NEMP2: variants seen among roughly 807,000 people sequenced by gnomAD.
NEMP2 encodes nuclear envelope integral membrane protein 2.
A neutral mutation model predicts 54.2 loss-of-function variants in NEMP2; 53 were observed. The ratio of observed to expected loss-of-function variants is 0.98; its 90% CI spans 0.78 to 1.23. The LOEUF is 1.23. Among genes scored for constraint, NEMP2 ranks in the 50% most tolerant of loss-of-function variants. The pLI, the probability that NEMP2 is intolerant of heterozygous loss-of-function variation, is 0.00. For synonymous variants in NEMP2, 197 were observed against 190.3 expected (o/e 1.04, Z -0.29); for missense variants, 455 against 511.3 (o/e 0.89, Z 1.06).
the NEMP2 span, among the ~76,000 whole-genome samples, chr2:190,494,764 G>T: frequency 6.6e-6 from 1 of 152,008 alleles, no homozygotes; most frequent in Non-Finnish European, 1.5e-5. The surrounding 1 kb of genome is among the most constrained non-coding windows in gnomAD (Gnocchi z 5.7). Context: ...GATCATCTCA[G>T]TAGACGCAGA....
the NEMP2 span, among the ~76,000 whole-genome samples, chr2:190,558,436 G>A: frequency 1.3e-5 from 2 of 152,168 alleles, no homozygotes; most frequent in African/African-American, 4.8e-5. This position sits in a 1 kb window ranked among gnomAD's most constrained non-coding sequence, Gnocchi z 4.4. Flanking sequence ...AAACCTGCAC[G>A]TTGTGCACAT....
At chr2:190,620,207 A>T in the NEMP2 span, 2 of 152,140 alleles carry the variant, frequency 1.3e-5, no homozygotes, top group African/African-American at 4.8e-5. This position sits in a 1 kb window ranked among gnomAD's most constrained non-coding sequence, Gnocchi z 4.9. Context: ...CCTGCTGTCT[A>T]TTTTATATAA....
the NEMP2 span, among the ~76,000 whole-genome samples, chr2:190,423,371 A>C: frequency 6.6e-6 from 1 of 152,206 alleles, no homozygotes; most frequent in Non-Finnish European, 1.5e-5. The surrounding 1 kb of genome is among the most constrained non-coding windows in gnomAD (Gnocchi z 4.3). Flanking sequence ...TGTTATATGA[A>C]TAGAATCATA....
At chr2:190,427,890 C>T in the NEMP2 span, among the ~76,000 whole-genome samples, 1 of 152,240 alleles carries the variant, frequency 6.6e-6, no homozygotes, top group African/African-American at 2.4e-5. Flanking sequence ...TGCCACCATG[C>T]CCAGCTAATT....
the NEMP2 span, among the ~76,000 whole-genome samples, chr2:190,422,855 A>G: frequency 3.3e-5 from 5 of 151,692 alleles, no homozygotes; most frequent in Middle Eastern, 3.4e-3. Context: ...GGGAGATGCT[A>G]TATCTGTCTC....
At chr2:190,448,072 A>T in the NEMP2 span, among the ~76,000 whole-genome samples, 1 of 152,068 alleles carries the variant, frequency 6.6e-6, no homozygotes, top group Non-Finnish European at 1.5e-5. Context: ...GTACTTGCTG[A>T]GTTAAAGAGA....
chr2:190,534,727 C>A, upstream of NEMP2: 2 of 1,141,466 alleles, frequency 1.8e-6, no homozygotes, highest in Non-Finnish European at 2.2e-6. Context: ...GGAAGTGGCG[C>A]GGGGGCTCAG....
chr2:190,535,614 C>G (rs1401817659), upstream of NEMP2, among the ~76,000 whole-genome samples: 1 of 152,118 alleles, frequency 6.6e-6, no homozygotes, highest in African/African-American at 2.4e-5. Flanking sequence ...AGAAATTATC[C>G]TGTTAAAAAT....
chr2:190,496,076 C>G, the NEMP2 span, among the ~76,000 whole-genome samples: 1 of 151,808 alleles, frequency 6.6e-6, no homozygotes, highest in Non-Finnish European at 1.5e-5. The surrounding 1 kb of genome is among the most constrained non-coding windows in gnomAD (Gnocchi z 4.7). Flanking sequence ...GGGAGAAAAT[C>G]TTCAGTCTAT....
the NEMP2 span, among the ~76,000 whole-genome samples, chr2:190,584,995 G>T: frequency 6.6e-6 from 1 of 152,170 alleles, no homozygotes; most frequent in Non-Finnish European, 1.5e-5. This position sits in a 1 kb window ranked among gnomAD's most constrained non-coding sequence, Gnocchi z 4.2. Flanking sequence ...CTTCCAGTCA[G>T]TTGGAAAGCT....
upstream of NEMP2, among the ~76,000 whole-genome samples, chr2:190,536,612 C>A (rs1691385446): frequency 6.6e-6 from 1 of 152,122 alleles, no homozygotes; most frequent in Admixed American, 6.5e-5. Context: ...CACTACAAGC[C>A]AAGCACCAGT....
chr2:190,457,918 C>T, the NEMP2 span, among the ~76,000 whole-genome samples: 3 of 152,298 alleles, frequency 2.0e-5, no homozygotes, highest in South Asian at 6.2e-4. This position sits in a 1 kb window ranked among gnomAD's most constrained non-coding sequence, Gnocchi z 5.1. Context: ...CATTTGACCT[C>T]AACCACTGGA....
At chr2:190,600,806 G>A in the NEMP2 span, among the ~76,000 whole-genome samples, 1 of 152,038 alleles carries the variant, frequency 6.6e-6, no homozygotes, top group Admixed American at 6.6e-5. This position sits in a 1 kb window ranked among gnomAD's most constrained non-coding sequence, Gnocchi z 4.9. Flanking sequence ...TCAGCCTCAG[G>A]TATTCTGTTA....
At chr2:190,572,536 C>CAG in the NEMP2 span, among the ~76,000 whole-genome samples, 1 of 151,980 alleles carries the variant, frequency 6.6e-6, no homozygotes, top group Admixed American at 6.6e-5. Context: ...GGTAGGAACT[C>CAG]TATTACTAAG....
chr2:190,436,673 C>T, the NEMP2 span: 8 of 1,614,062 alleles, frequency 5.0e-6, no homozygotes, highest in East Asian at 2.2e-5. This position sits in a 1 kb window ranked among gnomAD's most constrained non-coding sequence, Gnocchi z 5.3. Flanking sequence ...GTTACTTTGC[C>T]AACAGCTCCA....
chr2:190,448,605 T>C, the NEMP2 span, among the ~76,000 whole-genome samples: 5 of 152,222 alleles, frequency 3.3e-5, no homozygotes, highest in Admixed American at 2.0e-4. Context: ...ATGTTAACGA[T>C]AAATTTTAAA....
At chr2:190,428,247 T>C in the NEMP2 span, among the ~76,000 whole-genome samples, 1 of 152,248 alleles carries the variant, frequency 6.6e-6, no homozygotes, top group Non-Finnish European at 1.5e-5. Context: ...ATGTATCTGC[T>C]GTAGACAGGT....
the NEMP2 span, among the ~76,000 whole-genome samples, chr2:190,590,090 A>G: frequency 6.6e-6 from 1 of 152,214 alleles, no homozygotes; most frequent in Non-Finnish European, 1.5e-5. The surrounding 1 kb of genome is among the most constrained non-coding windows in gnomAD (Gnocchi z 5.1). Flanking sequence ...AAAGGTCTCT[A>G]TGCTCCTGAT....
chr2:190,593,171 TC>T, the NEMP2 span, among the ~76,000 whole-genome samples: 13 of 152,340 alleles, frequency 8.5e-5, 2 homozygotes, highest in African/African-American at 2.9e-4. The surrounding 1 kb of genome is among the most constrained non-coding windows in gnomAD (Gnocchi z 4.5). Context: ...TTTGTAAAAC[TC>T]CCGATCAGCC....
Sources: gnomAD v4.1 joint callset for allele counts (sites outside exome capture counted in the v4.1 genomes callset) on GRCh38, gnomAD v4.1.1 for gene constraint, Gnocchi (gnomAD v3.1) non-coding constraint, MANE v1.5 for transcripts, NCBI Gene and HGNC (gene_info 2026-07-23, HGNC 2026-07-21) for gene names.